The following STOX2 variants were observed in gnomAD, a reference collection of about 807,000 sequenced individuals.
STOX2 encodes storkhead box 2, also known as storkhead-box protein 2.
STOX2 carries 28 observed loss-of-function variants against 60.9 expected under a neutral mutation model. The ratio of observed to expected loss-of-function variants is 0.46; its 90% confidence interval spans 0.34 to 0.63. The LOEUF (loss-of-function observed/expected upper bound fraction) is 0.63. STOX2 is among the 30% of genes least tolerant of loss of function. The probability of loss-of-function intolerance (pLI) is 0.01; values close to 1 mark genes in which losing one functional copy is unlikely to be tolerated. For missense variants in STOX2, 1,024 were observed against 1,187.7 expected (o/e 0.86, Z 2.03); for synonymous variants, 472 against 463.9 (o/e 1.02, Z -0.22).
At chr4:183,869,306 G>A (rs1173569976) in intron 1 of STOX2, among the ~76,000 whole-genome samples, 1 of 152,214 alleles carries the variant, frequency 6.6e-6, no homozygotes, top group African/African-American at 2.4e-5. Context: ...GAAACTGACT[G>A]TCATTGAGAG....
At chr4:183,953,589 T>C (rs1018233158) in intron 1 of STOX2, among the ~76,000 whole-genome samples, 8 of 152,018 alleles carry the variant, frequency 5.3e-5, no homozygotes, top group Admixed American at 5.2e-4. Flanking sequence ...TTTTTGAGAC[T>C]GAGTCTGGCT....
intron 2 of STOX2, among the ~76,000 whole-genome samples, chr4:184,006,896 G>A (rs1305730379): frequency 1.4e-5 from 2 of 147,672 alleles, no homozygotes. Context: ...GGCGCCTGTA[G>A]TCCCAGCTAC....
upstream of STOX2, among the ~76,000 whole-genome samples, chr4:183,904,792 C>G (rs984542041): frequency 1.7e-4 from 26 of 152,306 alleles, no homozygotes; most frequent in Non-Finnish European, 2.9e-4. Context: ...GTTGCTACCC[C>G]CCTCAAATAA....
chr4:183,823,850 G>A (rs6841518), intron 1 of STOX2, among the ~76,000 whole-genome samples: 13,150 of 151,790 alleles, frequency 0.087, 1,903 homozygotes, highest in African/African-American at 0.3. Flanking sequence ...CCTCTAGGGC[G>A]GGGATTTTGT....
chr4:183,884,303 A>ATT (rs11287431), intron 1 of STOX2, among the ~76,000 whole-genome samples: 4 of 146,748 alleles, frequency 2.7e-5, no homozygotes, highest in Non-Finnish European at 3.0e-5. Flanking sequence ...GTTGTCTCTA[A>ATT]TTTTTTTTTT....
At chr4:183,872,991 C>T (rs1051231550) in intron 1 of STOX2, among the ~76,000 whole-genome samples, 12 of 152,154 alleles carry the variant, frequency 7.9e-5, no homozygotes, top group Non-Finnish European at 1.6e-4. Context: ...TGTCTATAAG[C>T]TGTGAATGTT....
At chr4:183,922,386 G>A (rs1316137292) in intron 1 of STOX2, among the ~76,000 whole-genome samples, 12 of 145,724 alleles carry the variant, frequency 8.2e-5, no homozygotes, top group Non-Finnish European at 1.3e-4. Flanking sequence ...TCGCTCTGTC[G>A]CCCAGGCTAG....
At position 183,972,521 on chromosome 4, in the gene STOX2, T is replaced by C. The variant is rs1743774441; in HGVS notation, c.167-28804T>C. On this transcript the variant is annotated intron_variant, in intron 1 of 3. Transcript: ENST00000308497. ...TTTGAGAGCTGAAATATGAACTAGA[T>C]CATACAGGTCCCAGGCTGACCACTG... Among the ~76,000 whole-genome samples the C allele has an allele frequency of 2.6e-5, 4 of 152,138 alleles. No homozygotes were observed. In the South Asian group the frequency reaches 8.3e-4, roughly 32 times the overall value.
chr4:183,823,950 G>A lies in STOX2; in HGVS notation c.364+25895G>A, dbSNP rs144253075. Among the ~76,000 whole-genome samples, 381 of 150,016 alleles carry A rather than the reference G, an allele frequency of 2.5e-3. 3 individuals are homozygous for A. The highest frequency in any genetic ancestry group is 9.3e-3 in the African/African-American group (365 of 39,442). Reference sequence around the variant, plus strand: ...CAAGGCAATTTTGTCCTTCAAATGCGGCTTCAGGTCTTGATCTTTTTCCCA... The same window carrying A: ...CAAGGCAATTTTGTCCTTCAAATGCAGCTTCAGGTCTTGATCTTTTTCCCA... On this transcript the variant is annotated intron_variant, in intron 1 of 2. Transcript: ENST00000513034.
intron 1 of STOX2, among the ~76,000 whole-genome samples, chr4:183,841,138 T>A (rs889774707): frequency 6.6e-6 from 1 of 152,164 alleles, no homozygotes; most frequent in African/African-American, 2.4e-5. Flanking sequence ...GTGCTGGGAT[T>A]ACAGGCGTGT....
At chr4:183,897,169 T>C in intron 1 of STOX2, among the ~76,000 whole-genome samples, 1 of 152,236 alleles carries the variant, frequency 6.6e-6, no homozygotes, top group Admixed American at 6.5e-5. Flanking sequence ...GGCAACTAAA[T>C]TCCTACTCTT....
intron 1 of STOX2, among the ~76,000 whole-genome samples, chr4:183,835,369 G>A (rs1441490356): frequency 6.6e-5 from 10 of 151,512 alleles, no homozygotes; most frequent in African/African-American, 2.4e-4. Flanking sequence ...GACTACAGGC[G>A]CCCACCACCA....
chr4:183,910,144 A>C (rs536082076), intron 1 of STOX2, among the ~76,000 whole-genome samples: 25 of 152,332 alleles, frequency 1.6e-4, no homozygotes, highest in South Asian at 1.4e-3. Context: ...CTGGGCAGAA[A>C]GGGGAAGATC....
chr4:183,798,076 C>G lies in STOX2; in HGVS notation c.364+21C>G, dbSNP rs931851941. 22 of 1,226,128 alleles carry G rather than the reference C, an allele frequency of 1.8e-5. No individual in the cohort carries two copies. The African/African-American group carries it at 3.3e-4, about 18-fold the overall frequency. 76.0% of individuals were successfully genotyped at this position (1,226,128 alleles called of 1,614,324 possible). A position where few individuals can be genotyped will look rare whatever the true frequency, so the allele number is the denominator to read the frequency against. On this transcript the variant is annotated intron_variant, in intron 1 of 2. Coordinates refer to the STOX2 transcript ENST00000513034. ...CCTGGGTGAGTGCGACCGCCGCGCGCCCGTCCCGTCCCTTCCCACCGGATC... is the reference window on the plus strand; with the variant it reads ...CCTGGGTGAGTGCGACCGCCGCGCGGCCGTCCCGTCCCTTCCCACCGGATC...
chr4:183,969,203 AGTGTACGT>A (rs1743667060), intron 1 of STOX2, among the ~76,000 whole-genome samples: 3 of 152,226 alleles, frequency 2.0e-5, no homozygotes, highest in Admixed American at 2.0e-4. Flanking sequence ...CTGCTTCATC[AGTGTACGT>A]GTTACATGAA....
chr4:183,884,057 T>C (rs1389589968), intron 1 of STOX2, among the ~76,000 whole-genome samples: 2 of 152,098 alleles, frequency 1.3e-5, no homozygotes, highest in Non-Finnish European at 1.5e-5. Flanking sequence ...TTTCACCATG[T>C]TGGCCAGGCT....
chr4:183,802,860 A>G (rs1467344275), intron 1 of STOX2, among the ~76,000 whole-genome samples: 2 of 152,110 alleles, frequency 1.3e-5, no homozygotes, highest in Non-Finnish European at 2.9e-5. Flanking sequence ...TGACCTCTTG[A>G]TCCGCCTGCC....
chr4:183,800,316 G>C (rs990534260), intron 1 of STOX2, among the ~76,000 whole-genome samples: 1 of 152,212 alleles, frequency 6.6e-6, no homozygotes, highest in Admixed American at 6.5e-5. Flanking sequence ...AAATGCTGGC[G>C]GGGGGCCGGG....
Position 183,825,510 on chromosome 4 carries a change from G to A in STOX2, c.364+27455G>A, listed in dbSNP as rs115660983. Among the ~76,000 whole-genome samples, 1,658 of 152,270 alleles carry A rather than the reference G, an allele frequency of 0.011. 31 individuals are homozygous for A. Among genetic ancestry groups the A allele is most frequent in the African/African-American group, 0.038 (1,593 of 41,540 alleles). On this transcript the variant is annotated intron_variant, in intron 1 of 2. Coordinates refer to the STOX2 transcript ENST00000513034. The surrounding 1 kb of genome is among the most constrained non-coding windows in gnomAD (Gnocchi z 4.1). ...GGCAACCTTCAATGGGTGAATAGAC[G>A]TTCCTTCAGGCCCAAGTGCAGGCAG...
Sources: gnomAD v4.1 joint callset for allele counts (sites outside exome capture counted in the v4.1 genomes callset) on GRCh38, gnomAD v4.1.1 for gene constraint, Gnocchi (gnomAD v3.1) non-coding constraint, MANE v1.5 for transcripts, NCBI Gene and HGNC (gene_info 2026-07-23, HGNC 2026-07-21) for gene names.